STK31: variants seen among roughly 807,000 people sequenced by gnomAD.
The protein encoded by STK31 is serine/threonine kinase 31, also known as serine/threonine-protein kinase 31.
In STK31, 89 loss-of-function variants were observed where a neutral mutation model predicts 129.7. That is an observed-to-expected ratio of 0.69 (90% CI 0.58 to 0.82). The LOEUF is 0.82. STK31 is among the 40% of genes least tolerant of loss of function. The pLI, the probability that STK31 is intolerant of heterozygous loss-of-function variation, is 0.00. For synonymous variants in STK31, 448 were observed against 395.3 expected (o/e 1.13, Z -1.58); for missense variants, 1,187 against 1,176.4 (o/e 1.01, Z -0.13).
rs1562581406 is a variant in STK31 at position 23,762,783 on chromosome 7, C to T, written c.1294-18C>T. 5.6e-6 allele frequency: 9 copies of T among 1,606,272 alleles called. No individual in the cohort carries two copies. Among genetic ancestry groups the T allele is most frequent in the Non-Finnish European group, 6.8e-6 (8 of 1,177,776 alleles). On this transcript the variant is annotated intron_variant, in intron 10 of 23. Transcript: ENST00000355870. ...ACCTGATGTATTAATGATGGTTATTCTTTTTTTCTTCCTCCAGAGTGAAGG... is the reference window on the plus strand; with the variant it reads ...ACCTGATGTATTAATGATGGTTATTTTTTTTTTCTTCCTCCAGAGTGAAGG...
chr7:23,734,602 G>A (rs1787610808), intron 6 of STK31, among the ~76,000 whole-genome samples: 1 of 152,184 alleles, frequency 6.6e-6, no homozygotes, highest in Admixed American at 6.5e-5. Flanking sequence ...AAGTTAGCAA[G>A]CACCTAATTT....
chr7:23,831,413 C>G (rs896937646), intron 23 of STK31, among the ~76,000 whole-genome samples: 2 of 152,154 alleles, frequency 1.3e-5, no homozygotes, highest in African/African-American at 4.8e-5. Flanking sequence ...TTACCTGATA[C>G]AAGTATAGTT....
intron 22 of STK31, among the ~76,000 whole-genome samples, chr7:23,800,641 T>C (rs947802370): frequency 4.6e-5 from 7 of 152,090 alleles, no homozygotes; most frequent in African/African-American, 1.4e-4. Flanking sequence ...GAGAAATACC[T>C]AATGTAGATT....
chr7:23,780,276 C>T (rs1415772123), intron 15 of STK31, among the ~76,000 whole-genome samples: 2 of 152,190 alleles, frequency 1.3e-5, no homozygotes, highest in Non-Finnish European at 2.9e-5. Context: ...GGAGCTGTTA[C>T]TATTTGGCCA....
chr7:23,729,143 A>G lies in STK31; in HGVS notation c.377A>G (p.Asp126Gly). The G allele has an allele frequency of 6.2e-7, 1 of 1,612,052 alleles. No individual in the cohort carries two copies. Among genetic ancestry groups the G allele is most frequent in the South Asian group, 1.1e-5 (1 of 90,894 alleles). The change falls in exon 6 of 24, where the codon GAT (aspartate) becomes GGT (glycine). Residue 126 changes from aspartate to glycine, a missense_variant. By Grantham distance (94) the Asp-to-Gly change is moderately conservative. Coordinates refer to ENST00000355870, the MANE Select transcript of STK31 (RefSeq NM_031414.5). ...YGNTEILNRS[D>G]IVEIPLELQF... Reference sequence around the variant, plus strand: ...AATACTGAAATTCTAAATCGATCTGATATAGTTGAAATTCCTTTGGAGCTG... The same window carrying G: ...AATACTGAAATTCTAAATCGATCTGGTATAGTTGAAATTCCTTTGGAGCTG...
chr7:23,810,360 CTT>C (rs902824677), intron 22 of STK31, among the ~76,000 whole-genome samples: 1 of 151,112 alleles, frequency 6.6e-6, no homozygotes, highest in African/African-American at 2.4e-5. Context: ...TGATCTCTGT[CTT>C]TTAATTGGGG....
chr7:23,830,632 T>C (rs932936197), intron 23 of STK31, among the ~76,000 whole-genome samples: 10 of 100,308 alleles, frequency 1.0e-4, no homozygotes, highest in African/African-American at 5.1e-4. Context: ...GTGTGTGTTG[T>C]TTTTGAGCTG....
intron 23 of STK31, among the ~76,000 whole-genome samples, chr7:23,825,984 C>CT (rs1458335880): frequency 1.3e-5 from 2 of 152,094 alleles, no homozygotes; most frequent in East Asian, 3.8e-4. Flanking sequence ...AATTTATGTT[C>CT]TTTTACATTT....
chr7:23,733,989 A>G (rs372090324), intron 6 of STK31, among the ~76,000 whole-genome samples: 1 of 152,148 alleles, frequency 6.6e-6, no homozygotes, highest in Non-Finnish European at 1.5e-5. Flanking sequence ...TTTACCCTCT[A>G]TACTACTGTG....
At chr7:23,715,975 A>T (rs1361927453) in intron 3 of STK31, among the ~76,000 whole-genome samples, 1 of 152,166 alleles carries the variant, frequency 6.6e-6, no homozygotes. Context: ...TTTAATGCTA[A>T]TGTGTTATAT....
chr7:23,827,418 T>C (rs1015394636), intron 23 of STK31, among the ~76,000 whole-genome samples: 1 of 152,224 alleles, frequency 6.6e-6, no homozygotes, highest in Non-Finnish European at 1.5e-5. Flanking sequence ...ATTCGTCATG[T>C]ATTTCTCGTG....
At chr7:23,745,113 A>G (rs1788271261) in intron 8 of STK31, among the ~76,000 whole-genome samples, 1 of 152,210 alleles carries the variant, frequency 6.6e-6, no homozygotes, top group Non-Finnish European at 1.5e-5. Flanking sequence ...TCAGGCCCAC[A>G]GGTAGCATGT....
intron 22 of STK31, among the ~76,000 whole-genome samples, chr7:23,802,626 GC>G (rs1346905998): frequency 1.3e-5 from 2 of 152,296 alleles, no homozygotes; most frequent in East Asian, 3.9e-4. Flanking sequence ...TGATTCTTGT[GC>G]CTCAGCCTCC....
At chr7:23,736,516 A>G (rs1169297320) in intron 7 of STK31, among the ~76,000 whole-genome samples, 2 of 141,778 alleles carry the variant, frequency 1.4e-5, no homozygotes, top group Non-Finnish European at 3.1e-5. Context: ...TTTAGGAGCT[A>G]AACTGTCAAA....
chr7:23,710,424 G>A, intron 1 of STK31, 89 bp downstream of exon 1: 1 of 1,598,956 alleles, frequency 6.3e-7, no homozygotes, highest in South Asian at 1.1e-5. Flanking sequence ...CCAATCCTGG[G>A]ACGAGGCCCA....
At chr7:23,815,684 A>G (rs1378051677) in intron 23 of STK31, among the ~76,000 whole-genome samples, 1 of 152,162 alleles carries the variant, frequency 6.6e-6, no homozygotes, top group Non-Finnish European at 1.5e-5. Flanking sequence ...ATTAACATCT[A>G]TAAGTTGAGT....
chr7:23,753,432 T>C (rs1788847214), intron 9 of STK31, among the ~76,000 whole-genome samples: 1 of 152,164 alleles, frequency 6.6e-6, no homozygotes. Flanking sequence ...ACCTTAATGC[T>C]CTGAGCTGCT....
At chr7:23,743,538 G>T (rs974424475) in intron 8 of STK31, among the ~76,000 whole-genome samples, 1 of 151,972 alleles carries the variant, frequency 6.6e-6, no homozygotes, top group African/African-American at 2.4e-5. Context: ...TTGATGACAC[G>T]CCTTTTTCCT....
chr7:23,818,152 AC>A (rs147606934), intron 23 of STK31, among the ~76,000 whole-genome samples: 536 of 152,196 alleles, frequency 3.5e-3, no homozygotes, highest in African/African-American at 0.013. Flanking sequence ...AACAAGATCT[AC>A]CTGTATTGGG....
Sources: gnomAD v4.1 joint callset for allele counts (sites outside exome capture counted in the v4.1 genomes callset) on GRCh38, gnomAD v4.1.1 for gene constraint, MANE v1.5 for transcripts, NCBI Gene and HGNC (gene_info 2026-07-23, HGNC 2026-07-21) for gene names.